RHBDL2: variants seen among roughly 807,000 people sequenced by gnomAD.
The protein encoded by RHBDL2 is rhomboid like 2, also known as rhomboid-related protein 2.
RHBDL2 carries 26 observed loss-of-function variants against 31.7 expected under a neutral mutation model. The observed-to-expected ratio is 0.82, with a 90% confidence interval of 0.60 to 1.14. RHBDL2 has a LOEUF of 1.14. Ranked by LOEUF, RHBDL2 falls within the 50% of genes most tolerant of loss-of-function variation. The pLI, the probability that RHBDL2 is intolerant of heterozygous loss-of-function variation, is 0.00. For synonymous variants in RHBDL2, 123 were observed against 127.2 expected (o/e 0.97, Z 0.22); for missense variants, 336 against 364.4 (o/e 0.92, Z 0.63).
At chr1:38,922,546 A>C (rs1249739843) in intron 1 of RHBDL2, among the ~76,000 whole-genome samples, 4 of 118,138 alleles carry the variant, frequency 3.4e-5, no homozygotes, top group African/African-American at 1.4e-4. Flanking sequence ...TGGGATTACA[A>C]GTGTGAGCCA....
At chr1:38,901,791 C>T (rs1642993172) in intron 4 of RHBDL2, among the ~76,000 whole-genome samples, 1 of 151,184 alleles carries the variant, frequency 6.6e-6, no homozygotes, top group Non-Finnish European at 1.5e-5. Flanking sequence ...GAGATTGCAC[C>T]ACTGCACTCC....
At chr1:38,905,750 G>GAA (rs36067930) in intron 4 of RHBDL2, among the ~76,000 whole-genome samples, 109 of 117,690 alleles carry the variant, frequency 9.3e-4, no homozygotes, top group Admixed American at 1.1e-3. Context: ...TCTGTCTCAA[G>GAA]AAAAAAAAAA....
Position 38,893,158 on chromosome 1 carries a change from A to T in RHBDL2, c.670+6T>A, listed in dbSNP as rs1472941584. 1 of 1,521,776 alleles carries T rather than the reference A, an allele frequency of 6.6e-7. No individual in the cohort carries two copies. Among genetic ancestry groups the T allele is most frequent in the East Asian group, 2.3e-5 (1 of 44,434 alleles). 94.3% of individuals were successfully genotyped at this position (1,521,776 alleles called of 1,614,324 possible). On this transcript the variant is annotated splice_donor_region_variant and intron_variant, in intron 6 of 7. Coordinates refer to ENST00000372990, the MANE Select transcript of RHBDL2 (RefSeq NM_017821.5). ...ACAGTATGAAGTATTCACAAAACAC[A>T]CTTACTTATCAGGATGATGATCAGC...
chr1:38,910,281 C>G (rs928841182), intron 4 of RHBDL2, among the ~76,000 whole-genome samples: 1 of 152,146 alleles, frequency 6.6e-6, no homozygotes, highest in African/African-American at 2.4e-5. Flanking sequence ...CTGACTATAT[C>G]AACGTGGATA....
chr1:38,915,685 A>G lies in RHBDL2; in HGVS notation c.272T>C (p.Val91Ala), dbSNP rs1643224664. The G allele has an allele frequency of 6.2e-7, 1 of 1,613,992 alleles. No individual in the cohort carries two copies. Among genetic ancestry groups the G allele is most frequent in the Non-Finnish European group, 8.5e-7 (1 of 1,180,032 alleles). ...AELAVFIYYA[V>A]WKPQKQWITL... The stretch of plus-strand genomic sequence containing the variant: ...GATCCACTGTTTCTGAGGCTTCCAC[A>G]CAGCATAGTAAATAAACACTGCCAG... The change falls in exon 3 of 8, where the codon GTG becomes GCG. Residue 91 changes from valine (V) to alanine (A), a missense_variant. Transcript: ENST00000372990.
At chr1:38,938,947 A>C (rs954425232) in intron 1 of RHBDL2, among the ~76,000 whole-genome samples, 2 of 152,192 alleles carry the variant, frequency 1.3e-5, no homozygotes, top group African/African-American at 4.8e-5. Flanking sequence ...TGTCAAATTC[A>C]TTTACTCACA....
chr1:38,940,200 G>A (rs1021547856), intron 1 of RHBDL2, among the ~76,000 whole-genome samples: 1 of 152,018 alleles, frequency 6.6e-6, no homozygotes, highest in Non-Finnish European at 1.5e-5. Flanking sequence ...GCATTTAAAA[G>A]CCCTTAGCCT....
intron 3 of RHBDL2, among the ~76,000 whole-genome samples, chr1:38,914,416 A>G (rs886770702): frequency 1.3e-5 from 2 of 151,572 alleles, no homozygotes; most frequent in Non-Finnish European, 2.9e-5. Context: ...TAGTTTTTGT[A>G]TTTTTAGTAG....
chr1:38,893,300 TG>T, intron 5 of RHBDL2, 76 bp from the exon 6 acceptor site: 1 of 662,804 alleles, frequency 1.5e-6, no homozygotes, highest in Non-Finnish European at 2.6e-6. Context: ...CCTCTTCATC[TG>T]CTCTTCATTT....
intron 4 of RHBDL2, among the ~76,000 whole-genome samples, chr1:38,900,737 G>C (rs1042440844): frequency 6.6e-6 from 1 of 151,436 alleles, no homozygotes; most frequent in Admixed American, 6.6e-5. Context: ...AAAAAAATAA[G>C]TAAATAAAAA....
intron 4 of RHBDL2, among the ~76,000 whole-genome samples, chr1:38,909,622 A>T (rs1284689245): frequency 6.6e-6 from 1 of 151,976 alleles, no homozygotes; most frequent in African/African-American, 2.4e-5. Flanking sequence ...GACACCTGTA[A>T]TCCCAGCTAC....
chr1:38,920,464 G>A (rs1402031577), intron 1 of RHBDL2, among the ~76,000 whole-genome samples: 1 of 151,838 alleles, frequency 6.6e-6, no homozygotes, highest in Non-Finnish European at 1.5e-5. Flanking sequence ...CATTACACCT[G>A]GCCTAGAATT....
intron 1 of RHBDL2, among the ~76,000 whole-genome samples, chr1:38,920,174 T>TTC (rs1643292666): frequency 6.9e-6 from 1 of 145,010 alleles, no homozygotes; most frequent in South Asian, 2.3e-4. Flanking sequence ...TTCTTTTTTT[T>TTC]TTTTTTTTTT....
intron 1 of RHBDL2, among the ~76,000 whole-genome samples, chr1:38,919,710 G>T (rs1450072619): frequency 6.6e-6 from 1 of 151,736 alleles, no homozygotes; most frequent in Non-Finnish European, 1.5e-5. Context: ...CTGGGTTCAA[G>T]CAATTCTTCT....
At chr1:38,895,943 G>A (rs9438984) in intron 5 of RHBDL2, 26 bp downstream of exon 5, 627,006 of 1,461,822 alleles carry the variant, frequency 0.43, 138,768 homozygotes, top group Admixed American at 0.47. Context: ...TAAGAGACTC[G>A]TGGACTCCAT....
At chr1:38,925,271 G>A (rs1291917525) in intron 1 of RHBDL2, among the ~76,000 whole-genome samples, 1 of 151,598 alleles carries the variant, frequency 6.6e-6, no homozygotes, top group Non-Finnish European at 1.5e-5. Flanking sequence ...GCCGAGGCAG[G>A]CAGATCACTT....
intron 4 of RHBDL2, among the ~76,000 whole-genome samples, chr1:38,900,599 G>A (rs545047651): frequency 1.2e-4 from 19 of 152,034 alleles, no homozygotes; most frequent in Non-Finnish European, 1.0e-4. Context: ...CAGCCTGGGC[G>A]ACAAGAGTTA....
intron 3 of RHBDL2, among the ~76,000 whole-genome samples, chr1:38,912,948 G>GCA: frequency 9.4e-6 from 1 of 106,630 alleles, no homozygotes; most frequent in East Asian, 2.7e-4. Flanking sequence ...GTGTGTGTGT[G>GCA]TATTTACATA....
At chr1:38,927,312 A>G (rs1400895586) in intron 1 of RHBDL2, among the ~76,000 whole-genome samples, 17 of 152,156 alleles carry the variant, frequency 1.1e-4, no homozygotes, top group Admixed American at 1.1e-3. Context: ...CTGTAGTCCC[A>G]GCTACTCGGG....
Sources: gnomAD v4.1 joint callset for allele counts (sites outside exome capture counted in the v4.1 genomes callset) on GRCh38, gnomAD v4.1.1 for gene constraint, MANE v1.5 for transcripts, NCBI Gene and HGNC (gene_info 2026-07-23, HGNC 2026-07-21) for gene names.